TRPM1: variants seen among roughly 807,000 people sequenced by gnomAD.
TRPM1 encodes transient receptor potential cation channel subfamily M member 1, also known as TRPM1-203 APA Isoform, Intron 10.
TRPM1 carries 113 observed loss-of-function variants against 149.4 expected under a neutral mutation model. The observed-to-expected ratio is 0.76, with a 90% CI of 0.65 to 0.88. The LOEUF is 0.88. Ranked by LOEUF, TRPM1 falls within the 40% of genes least tolerant of loss-of-function variation. The pLI is 0.00. For missense variants in TRPM1, 1,976 were observed against 2,038.7 expected (o/e 0.97, Z 0.59); for synonymous variants, 741 against 759.5 (o/e 0.98, Z 0.40).
intron 27 of TRPM1, among the ~76,000 whole-genome samples, chr15:31,005,143 T>G (rs1285407766): frequency 1.2e-5 from 1 of 86,882 alleles, no homozygotes; most frequent in East Asian, 2.3e-4. Context: ...AAATAAAGGC[T>G]CCCTACTCCG....
intron 1 of TRPM1, among the ~76,000 whole-genome samples, chr15:31,133,945 G>A (rs1046162973): frequency 3.8e-4 from 58 of 152,168 alleles, no homozygotes; most frequent in African/African-American, 1.3e-3. Context: ...GAGAAAAAGG[G>A]AAGGGAAGTC....
intron 1 of TRPM1, among the ~76,000 whole-genome samples, chr15:31,158,770 T>C (rs1210420759): frequency 6.6e-6 from 1 of 152,162 alleles, no homozygotes; most frequent in Non-Finnish European, 1.5e-5. Context: ...AGATGTGTTC[T>C]GCTACAAGGG....
chr15:31,036,440 C>CT (rs901389453), intron 20 of TRPM1, among the ~76,000 whole-genome samples: 3 of 150,846 alleles, frequency 2.0e-5, no homozygotes, highest in African/African-American at 7.3e-5. Flanking sequence ...GTTTTTTTTT[C>CT]TTTTTTTTCA....
chr15:31,033,080 C>T, intron 21 of TRPM1, 140 bp from the exon 22 acceptor site: 2 of 1,156,646 alleles, frequency 1.7e-6, no homozygotes, highest in South Asian at 1.3e-5. Context: ...CACTCTTCTT[C>T]TCAGGCAGGG....
intron 13 of TRPM1, among the ~76,000 whole-genome samples, chr15:31,048,899 A>G (rs183532498): frequency 8.2e-4 from 125 of 152,328 alleles, no homozygotes; most frequent in African/African-American, 2.9e-3. Context: ...AGGGAAGGAA[A>G]TGTAAATTCT....
rs1178258059 is a variant in TRPM1, at chr15:31,070,244, G to A, written c.84-18C>T. The A allele has an allele frequency of 1.9e-6, 3 of 1,599,560 alleles. No individual in the cohort carries two copies. The highest frequency in any genetic ancestry group is 2.6e-6 in the Non-Finnish European group (3 of 1,168,934). ...AGCAACACCTGAAAACAAAGGCAAA[G>A]CAGGGTCTTTCTACAACAATCTCCC... is the stretch of plus-strand genomic sequence containing the variant. On this transcript the variant is annotated intron_variant, in intron 3 of 27. Transcript: ENST00000256552.
At chr15:31,159,698 G>T (rs2036421745) in intron 1 of TRPM1, among the ~76,000 whole-genome samples, 1 of 152,052 alleles carries the variant, frequency 6.6e-6, no homozygotes, top group African/African-American at 2.4e-5. Context: ...GCATTTTCAG[G>T]TTCATGAGAT....
At chr15:31,109,731 C>T (rs942403254) in intron 1 of TRPM1, among the ~76,000 whole-genome samples, 3 of 148,900 alleles carry the variant, frequency 2.0e-5, no homozygotes, top group African/African-American at 7.4e-5. Context: ...AGTAATGGGG[C>T]TTCAAACTGA....
Position 31,091,440 on chromosome 15 carries a change from A to G in TRPM1, c.-83-10002T>C, listed in dbSNP as rs550420182. Among the ~76,000 whole-genome samples, 3 of 152,360 alleles carry G rather than the reference A, an allele frequency of 2.0e-5. No individual in the cohort carries two copies. The East Asian group carries it at 5.8e-4, about 29-fold the overall frequency. On this transcript the variant is annotated intron_variant, in intron 1 of 27. Transcript: ENST00000256552. ...AGTCAGTAAGCGCCTCTCAGATCTC[A>G]GCACCACCTGTTTAGCAGGTTGGCC...
At position 31,063,140 on chromosome 15, in the gene TRPM1, G is replaced by T; in HGVS notation, c.943C>A (p.His315Asn). 1 of 1,614,164 alleles carries T rather than the reference G, an allele frequency of 6.2e-7. No homozygotes were observed. Among genetic ancestry groups the T allele is most frequent in the Non-Finnish European group, 8.5e-7 (1 of 1,180,040 alleles). ...TACCCGCCTTCTTCACAGTACTTGT[G>T]CGCAAAGGACAGGATGTCCGAGGCA... ...GRASDILSFA[H>N]KYCEEGGIIN... is the part of the protein sequence containing the mutation. The change falls in exon 8 of 28, where the codon CAC becomes AAC. Residue 315 changes from histidine (H) to asparagine (N), a missense_variant. This residue lies in a region of TRPM1 where 1,332 missense variants were observed against 1,347.1 expected (regional missense o/e 0.99). Coordinates refer to ENST00000256552, the MANE Select transcript of TRPM1 (RefSeq NM_001252024.2).
chr15:31,037,640 T>C, intron 20 of TRPM1, 71 bp downstream of exon 20: 2 of 1,607,630 alleles, frequency 1.2e-6, no homozygotes, highest in Non-Finnish European at 1.7e-6. Context: ...GCCCTTGAAG[T>C]TTTTCTTGAT....
At position 31,143,399 on chromosome 15, in the gene TRPM1, G is replaced by GTGTTT. The variant is rs904422137; in HGVS notation, c.54+17502_54+17506dup. On this transcript the variant is annotated intron_variant, in intron 1 of 26. Coordinates refer to the TRPM1 transcript ENST00000542188. ...TTTTGTTTTCCAGTTTTGTTTTGTT[G>GTGTTT]TGTTTTGTTTTGTTTTGTTTTTTTG... 1.7e-3 allele frequency among the ~76,000 whole-genome samples: 264 copies of GTGTTT among 152,108 alleles called. 1 individual carries two copies. Among genetic ancestry groups the GTGTTT allele is most frequent in the African/African-American group, 5.7e-3 (236 of 41,524 alleles).
rs34583108 is a variant in TRPM1, at chr15:31,144,712, A to ATT, written c.54+16192_54+16193dup. Among the ~76,000 whole-genome samples, 581 of 108,184 alleles carry ATT rather than the reference A, an allele frequency of 5.4e-3. 9 individuals carry two copies. Among genetic ancestry groups the ATT allele is most frequent in the African/African-American group, 0.017 (526 of 30,894 alleles). 71.0% of individuals were successfully genotyped at this position (108,184 alleles called of 152,430 possible). On this transcript the variant is annotated intron_variant, in intron 1 of 26. Coordinates refer to the TRPM1 transcript ENST00000542188. ...TGTGGCCCTTTTCATTGTTTTTGAGATTTTTTTTTTTTTTTTTTTTGAGAC... is the reference window on the plus strand; with the variant it reads ...TGTGGCCCTTTTCATTGTTTTTGAGATTTTTTTTTTTTTTTTTTTTTTGAGAC...
intron 27 of TRPM1, among the ~76,000 whole-genome samples, chr15:31,023,768 C>T (rs1478818979): frequency 6.6e-6 from 1 of 152,168 alleles, no homozygotes; most frequent in African/African-American, 2.4e-5. Context: ...GCCCCTATGA[C>T]ATCTAAGTGG....
intron 1 of TRPM1, among the ~76,000 whole-genome samples, chr15:31,132,748 C>G (rs2036033299): frequency 6.6e-6 from 1 of 152,136 alleles, no homozygotes; most frequent in African/African-American, 2.4e-5. Context: ...ATGGGAGGAA[C>G]CCAGTGGGAG....
Position 31,049,527 on chromosome 15 carries a change from C to T in TRPM1, c.1438-18G>A, listed in dbSNP as rs374493963. On this transcript the variant is annotated intron_variant, in intron 12 of 27. Transcript: ENST00000256552. ...GCATTCACCTGCAGGGACCAAGGGC[C>T]GGGAGCCTGTGAGTGGCCTCTCAGA... The T allele has an allele frequency of 1.9e-5, 31 of 1,613,016 alleles. No homozygotes were observed. The African/African-American group carries it at 3.1e-4, about 16-fold the overall frequency.
At chr15:31,048,323 G>A (rs960200453) in intron 13 of TRPM1, among the ~76,000 whole-genome samples, 1 of 152,128 alleles carries the variant, frequency 6.6e-6, no homozygotes, top group Non-Finnish European at 1.5e-5. Context: ...GCAAAATCCT[G>A]CCCTACTCTA....
At chr15:31,079,321 A>C (rs2034795178) in intron 2 of TRPM1, among the ~76,000 whole-genome samples, 1 of 151,872 alleles carries the variant, frequency 6.6e-6, no homozygotes, top group South Asian at 2.1e-4. Context: ...GGTGCTTCTG[A>C]CTCTGGTTTC....
intron 17 of TRPM1, among the ~76,000 whole-genome samples, chr15:31,041,673 T>C (rs1337870509): frequency 6.6e-6 from 1 of 152,182 alleles, no homozygotes; most frequent in Non-Finnish European, 1.5e-5. Flanking sequence ...GGAAATTAAT[T>C]TCACCATCTT....
Sources: allele counts gnomAD v4.1 joint callset (sites outside exome capture counted in the v4.1 genomes callset), GRCh38; gene constraint gnomAD v4.1.1; regional missense constraint gnomAD v4.1.1; transcripts MANE v1.5; gene names NCBI Gene and HGNC (gene_info 2026-07-23, HGNC 2026-07-21).